The following MAPK10 variants were observed in gnomAD, a reference collection of about 807,000 sequenced individuals.
MAPK10 encodes JNK3 alpha protein kinase.
MAPK10 carries 25 observed loss-of-function variants against 59.3 expected under a neutral mutation model. The ratio of observed to expected loss-of-function variants is 0.42; its 90% CI spans 0.31 to 0.59. MAPK10 has a LOEUF of 0.59. Ranked by LOEUF, MAPK10 falls within the 20% of genes least tolerant of loss-of-function variation. MAPK10 has a pLI of 0.15. For missense variants in MAPK10, 351 were observed against 568.9 expected, an observed-to-expected ratio of 0.62 and a Z score of 3.90; for synonymous variants, 190 against 200.5, an observed-to-expected ratio of 0.95 and a Z score of 0.44.
intron 4 of MAPK10, among the ~76,000 whole-genome samples, chr4:86,132,368 A>T (rs938277889): frequency 6.6e-6 from 1 of 152,210 alleles, no homozygotes; most frequent in Non-Finnish European, 1.5e-5. Context: ...GTATTGGGAA[A>T]TGCATATAAC....
intron 7 of MAPK10, 57 bp downstream of exon 7, chr4:86,101,837 A>G (rs1404209573): frequency 1.9e-6 from 3 of 1,574,966 alleles, no homozygotes; most frequent in South Asian, 1.1e-5. Context: ...AAAATAATCT[A>G]CAGTTACTCT....
chr4:86,165,543 A>ATTTTTT lies in MAPK10; in HGVS notation c.67-6082_67-6077dup, dbSNP rs10525325. Reference sequence around the variant, plus strand: ...AGGCACATGCCACCACTCCCAGATAATTTTTTTTTTTTTTTTTTTTTTTTT... The same window carrying ATTTTTT: ...AGGCACATGCCACCACTCCCAGATAATTTTTTTTTTTTTTTTTTTTTTTTTTTTTTT... On this transcript the variant is annotated intron_variant, in intron 3 of 13. Coordinates refer to ENST00000641462, the MANE Select transcript of MAPK10 (RefSeq NM_138982.4). Among the ~76,000 whole-genome samples the ATTTTTT allele has an allele frequency of 1.2e-4, 7 of 57,296 alleles. 1 individual carries two copies. The highest frequency in any genetic ancestry group is 2.6e-4 in the Non-Finnish European group (7 of 27,266). The allele number at this position is 57,296 out of a possible 152,430, so 37.6% of individuals were successfully genotyped here.
intron 9 of MAPK10, chr4:86,098,293 C>G: frequency 2.5e-6 from 1 of 407,756 alleles, no homozygotes; most frequent in Non-Finnish European, 4.1e-6. Flanking sequence ...TAGTTGCAGG[C>G]AAGAAAGTAA....
At position 86,296,201 on chromosome 4, in the gene MAPK10, G is replaced by A. The variant is rs986680783; in HGVS notation, c.-7+58329C>T. Among the ~76,000 whole-genome samples, 20 of 150,420 alleles carry A rather than the reference G, an allele frequency of 1.3e-4. No individual in the cohort carries two copies. In the South Asian group the frequency reaches 2.5e-3, roughly 19 times the overall value. On this transcript the variant is annotated intron_variant, in intron 2 of 13. Transcript: ENST00000641462. Reference sequence around the variant, plus strand: ...AAAAAAAAAAAAAAAGAAAAAGAAAGATTTGGGTGCAATGCAAACTTTTTT... The same window carrying A: ...AAAAAAAAAAAAAAAGAAAAAGAAAAATTTGGGTGCAATGCAAACTTTTTT...
chr4:86,284,090 C>T (rs1236857333), intron 2 of MAPK10, among the ~76,000 whole-genome samples: 4 of 152,092 alleles, frequency 2.6e-5, no homozygotes, highest in Non-Finnish European at 4.4e-5. Context: ...ATAATAATAG[C>T]TATTATTTAT....
intron 4 of MAPK10, among the ~76,000 whole-genome samples, chr4:86,155,172 A>G (rs867548625): frequency 4.3e-4 from 65 of 152,012 alleles, no homozygotes; most frequent in African/African-American, 1.6e-3. Context: ...GAAAATGAGC[A>G]CATTTAAAAG....
At chr4:86,557,847 C>T (rs1578111610) in intron 1 of MAPK10, among the ~76,000 whole-genome samples, 2 of 152,006 alleles carry the variant, frequency 1.3e-5, no homozygotes, top group East Asian at 3.9e-4. Context: ...ATATACACTC[C>T]TTCTGTTGGC....
rs1736488435 is a variant in MAPK10, at chr4:86,359,719, CTTGT to C, written c.-187_-184del. The C allele has an allele frequency of 1.0e-6, 1 of 985,660 alleles. No homozygotes were observed. Among genetic ancestry groups the C allele is most frequent in the South Asian group, 4.7e-5 (1 of 21,284 alleles). 61.1% of individuals were successfully genotyped at this position (985,660 alleles called of 1,614,324 possible). ...GTGTTTGCCCCAGAAATCCTCCCTACTTGTTTTTCATTAACCACATTCCAGACTA... is the reference window on the plus strand; with the variant it reads ...GTGTTTGCCCCAGAAATCCTCCCTACTTTTCATTAACCACATTCCAGACTA... On this transcript the variant is annotated 5_prime_UTR_variant, in exon 1 of 14. An upstream open reading frame in the 5' UTR gains an earlier in-frame stop. Transcript: ENST00000641462.
intron 1 of MAPK10, among the ~76,000 whole-genome samples, chr4:86,473,876 G>A (rs978579549): frequency 1.1e-4 from 16 of 152,142 alleles, no homozygotes; most frequent in Admixed American, 8.5e-4. Flanking sequence ...CTAGCTGGAC[G>A]CTGTGGTTCA....
At chr4:86,354,695 G>T in intron 1 of MAPK10, 51 bp from the exon 2 acceptor site, 1 of 799,060 alleles carries the variant, frequency 1.3e-6, no homozygotes, top group Non-Finnish European at 1.7e-6. Context: ...ATTTAAATTT[G>T]TATTTAGAAA....
At chr4:86,335,063 T>C (rs181682916) in intron 2 of MAPK10, 253 of 152,296 alleles carry the variant, frequency 1.7e-3, no homozygotes, top group African/African-American at 5.9e-3. Flanking sequence ...CATCATTGCC[T>C]ATCAGAACTT....
intron 1 of MAPK10, among the ~76,000 whole-genome samples, chr4:86,391,941 T>C (rs530735874): frequency 6.6e-6 from 1 of 152,198 alleles, no homozygotes; most frequent in Non-Finnish European, 1.5e-5. Flanking sequence ...GTACATTCCC[T>C]TCCCTGGCCA....
rs61137879 is a variant in MAPK10 at position 86,419,249 on chromosome 4, A to G, written c.-122+33781T>C. On this transcript the variant is annotated intron_variant, in intron 1 of 13. Transcript: ENST00000361569. Reference sequence around the variant, plus strand: ...AAATGAAAAAATATTTCCTTATCATATCTCTACGTGTTTTTATCAATTGTA... The same window carrying G: ...AAATGAAAAAATATTTCCTTATCATGTCTCTACGTGTTTTTATCAATTGTA... 3.1e-3 allele frequency among the ~76,000 whole-genome samples: 465 copies of G among 152,306 alleles called. 6 individuals carry two copies. Among genetic ancestry groups the G allele is most frequent in the African/African-American group, 0.011 (452 of 41,558 alleles).
At chr4:86,428,064 T>C (rs1247698074) in intron 1 of MAPK10, among the ~76,000 whole-genome samples, 1 of 152,104 alleles carries the variant, frequency 6.6e-6, no homozygotes, top group African/African-American at 2.4e-5. Context: ...GCAGATGAGG[T>C]TGACTTTATG....
chr4:86,434,824 T>A (rs1448064361), intron 1 of MAPK10, among the ~76,000 whole-genome samples: 2 of 152,212 alleles, frequency 1.3e-5, no homozygotes, highest in Non-Finnish European at 2.9e-5. Flanking sequence ...AATCAGTGTA[T>A]TGAAGAGACA....
At chr4:86,109,328 T>A (rs2057068021) in intron 4 of MAPK10, among the ~76,000 whole-genome samples, 1 of 152,168 alleles carries the variant, frequency 6.6e-6, no homozygotes, top group African/African-American at 2.4e-5. Context: ...TATCAACCCA[T>A]CACCTAAGTA....
intron 1 of MAPK10, among the ~76,000 whole-genome samples, chr4:86,491,191 G>A (rs1754428349): frequency 6.6e-6 from 1 of 152,192 alleles, no homozygotes; most frequent in African/African-American, 2.4e-5. Flanking sequence ...GCATCCCACA[G>A]ACACAGGCAA....
intron 1 of MAPK10, among the ~76,000 whole-genome samples, chr4:86,476,558 C>T (rs1753109915): frequency 6.6e-6 from 1 of 152,158 alleles, no homozygotes; most frequent in Non-Finnish European, 1.5e-5. Flanking sequence ...CCTGAAAGGT[C>T]AGAAGGCCGT....
chr4:86,351,326 G>A (rs1731248278), intron 2 of MAPK10, among the ~76,000 whole-genome samples: 1 of 146,260 alleles, frequency 6.8e-6, no homozygotes, highest in South Asian at 2.2e-4. Context: ...TATGTACAAA[G>A]GATGACAATA....
Sources: gnomAD v4.1 joint callset for allele counts (sites outside exome capture counted in the v4.1 genomes callset) on GRCh38, gnomAD v4.1.1 for gene constraint, MANE v1.5 for transcripts, NCBI Gene and HGNC (gene_info 2026-07-23, HGNC 2026-07-21) for gene names.